Variants in PLEKHA7 observed in about 807,000 individuals in gnomAD.
PLEKHA7 encodes pleckstrin homology domain-containing family A member 7.
PLEKHA7 carries 104 observed loss-of-function variants against 170.0 expected under a neutral mutation model. That is an observed-to-expected ratio of 0.61 (90% confidence interval 0.52 to 0.72). The LOEUF is 0.72. PLEKHA7 is among the 30% of genes least tolerant of loss of function. The pLI is 0.00. For synonymous variants in PLEKHA7, 648 were observed against 660.8 expected (o/e 0.98, Z 0.30); for missense variants, 1,615 against 1,671.7 (o/e 0.97, Z 0.59).
chr11:16,826,519 C>T lies in PLEKHA7; in HGVS notation c.944G>A (p.Arg315Gln), dbSNP rs200680946. The change falls in exon 10 of 27, where the codon CGG becomes CAG. Residue 315 changes from arginine (R) to glutamine (Q), a missense_variant. Coordinates refer to ENST00000531066, the MANE Select transcript of PLEKHA7 (RefSeq NM_001329630.2). ...NHTESCHECG[R>Q]VGPGHTRDCP... ...ATCTCTCGTATGTCCGGGTCCCACC[C>T]GGCCACATTCGTGACAGGACTCTGT... The T allele has an allele frequency of 4.3e-6, 7 of 1,614,220 alleles. No homozygotes were observed. The highest frequency in any genetic ancestry group is 4.5e-5 in the East Asian group (2 of 44,888).
At chr11:16,840,310 C>G (rs545009976) in intron 9 of PLEKHA7, among the ~76,000 whole-genome samples, 1 of 152,244 alleles carries the variant, frequency 6.6e-6, no homozygotes, top group South Asian at 2.1e-4. Context: ...CCTGTAATCC[C>G]GGCACTTTGG....
chr11:16,906,354 T>C (rs1475703903), intron 3 of PLEKHA7, among the ~76,000 whole-genome samples: 1 of 95,962 alleles, frequency 1.0e-5, no homozygotes, highest in East Asian at 2.4e-4. Context: ...CTTTCCACGG[T>C]CTCCCCCTGA....
At chr11:16,933,610 T>A (rs1860089279) in intron 3 of PLEKHA7, among the ~76,000 whole-genome samples, 1 of 152,198 alleles carries the variant, frequency 6.6e-6, no homozygotes, top group South Asian at 2.1e-4. Context: ...CTGGGAGAAG[T>A]ACAAGTCAAA....
At chr11:16,903,177 A>G (rs1021556353) in intron 3 of PLEKHA7, among the ~76,000 whole-genome samples, 4 of 152,358 alleles carry the variant, frequency 2.6e-5, no homozygotes, top group African/African-American at 7.2e-5. Context: ...AAAAGCGAGA[A>G]TAACTTCTCA....
chr11:16,871,861 C>T (rs1282457823), intron 3 of PLEKHA7, among the ~76,000 whole-genome samples: 1 of 152,136 alleles, frequency 6.6e-6, no homozygotes, highest in East Asian at 1.9e-4. Context: ...GGAGGAGGAG[C>T]TGGCTCTAGA....
chr11:16,890,750 C>T (rs1028672805), intron 3 of PLEKHA7, among the ~76,000 whole-genome samples: 1 of 151,434 alleles, frequency 6.6e-6, no homozygotes, highest in South Asian at 2.1e-4. Context: ...ACTAGGTTCC[C>T]GAAAACAAGG....
chr11:16,827,335 A>C lies in PLEKHA7; in HGVS notation c.873-745T>G, dbSNP rs370335883. ...TACAACAATTCTGTGAAGTATTATTAGTCAGATTTTAGCAATAAGGAAACT... is the reference window on the plus strand; with the variant it reads ...TACAACAATTCTGTGAAGTATTATTCGTCAGATTTTAGCAATAAGGAAACT... On this transcript the variant is annotated intron_variant, in intron 9 of 26. Transcript: ENST00000531066. Among the ~76,000 whole-genome samples the C allele has an allele frequency of 1.9e-4, 29 of 152,366 alleles. No individual in the cohort carries two copies. In the South Asian group the frequency reaches 5.6e-3, roughly 29 times the overall value.
intron 3 of PLEKHA7, among the ~76,000 whole-genome samples, chr11:16,988,864 G>C (rs1229032094): frequency 6.6e-6 from 1 of 152,232 alleles, no homozygotes; most frequent in Non-Finnish European, 1.5e-5. Context: ...CAGAGGATGA[G>C]ACTCTTCTAT....
At position 17,014,137 on chromosome 11, in the gene PLEKHA7, T is replaced by C; in HGVS notation, c.151A>G (p.Met51Val). 1 of 1,602,242 alleles carries C rather than the reference T, an allele frequency of 6.2e-7. No homozygotes were observed. Among genetic ancestry groups the C allele is most frequent in the South Asian group, 1.1e-5 (1 of 89,748 alleles). ...RTGEPVNSGH[M>V]IRSDLPRGWE... ...GCCCGGCGCCCACCTGAGCGGATCA[T>C]GTGGCCCGAGTTGACGGGCTCCCCG... The change falls in exon 2 of 27, where the codon ATG becomes GTG. Residue 51 changes from methionine to valine, a missense_variant. Met to Val is a conservative substitution (Grantham distance 21). Transcript: ENST00000531066.
At chr11:16,816,685 C>T (rs1849780655) in intron 11 of PLEKHA7, 115 bp downstream of exon 11, 4 of 1,276,346 alleles carry the variant, frequency 3.1e-6, no homozygotes, top group African/African-American at 3.0e-5. Context: ...AATGTACTGC[C>T]TAAGTATTAG....
At chr11:17,003,123 T>C (rs1049253756) in intron 3 of PLEKHA7, among the ~76,000 whole-genome samples, 46 of 151,976 alleles carry the variant, frequency 3.0e-4, no homozygotes, top group African/African-American at 1.1e-3. Flanking sequence ...CCTGAGTAAC[T>C]GGGATTACAG....
intron 3 of PLEKHA7, among the ~76,000 whole-genome samples, chr11:16,909,022 TA>T (rs1416341622): frequency 6.6e-6 from 1 of 152,198 alleles, no homozygotes; most frequent in Non-Finnish European, 1.5e-5. Context: ...TTCTCCCCCC[TA>T]CTCTGTGACC....
chr11:16,822,075 T>G (rs1349480581), intron 10 of PLEKHA7, among the ~76,000 whole-genome samples: 1 of 152,160 alleles, frequency 6.6e-6, no homozygotes, highest in African/African-American at 2.4e-5. Flanking sequence ...TCTCATCCTT[T>G]AGGTCTCTGG....
intron 3 of PLEKHA7, among the ~76,000 whole-genome samples, chr11:16,944,926 A>G (rs1173829411): frequency 6.6e-6 from 1 of 152,192 alleles, no homozygotes; most frequent in African/African-American, 2.4e-5. Flanking sequence ...TAACCAACTC[A>G]CAGATAAGAA....
intron 9 of PLEKHA7, among the ~76,000 whole-genome samples, chr11:16,832,713 T>C (rs1369865857): frequency 6.6e-6 from 1 of 152,164 alleles, no homozygotes; most frequent in Non-Finnish European, 1.5e-5. Flanking sequence ...AGCCTTTCTG[T>C]TGTAATCCCA....
chr11:16,875,509 C>T (rs1855218724), intron 3 of PLEKHA7, among the ~76,000 whole-genome samples: 4 of 151,688 alleles, frequency 2.6e-5, no homozygotes, highest in Admixed American at 1.3e-4. Flanking sequence ...TGCAGTGGAA[C>T]GATCTCAGCT....
chr11:16,783,043 T>G (rs1217033274), intron 25 of PLEKHA7, 147 bp from the exon 26 acceptor site: 1 of 932,310 alleles, frequency 1.1e-6, no homozygotes, highest in Non-Finnish European at 1.6e-6. Flanking sequence ...CAAAGGTACA[T>G]GCTTTTCCCC....
At chr11:16,928,716 A>C (rs928589789) in intron 3 of PLEKHA7, among the ~76,000 whole-genome samples, 2 of 152,050 alleles carry the variant, frequency 1.3e-5, no homozygotes, top group African/African-American at 2.4e-5. Context: ...TGCCCTCTCA[A>C]AGTGCTGGGA....
chr11:16,858,639 C>T (rs1007043170), intron 4 of PLEKHA7, among the ~76,000 whole-genome samples: 10 of 152,006 alleles, frequency 6.6e-5, no homozygotes, highest in Non-Finnish European at 1.5e-4. Context: ...ATTACAGGCA[C>T]ATGCCACCAC....
Sources: gnomAD v4.1 joint callset for allele counts (sites outside exome capture counted in the v4.1 genomes callset) on GRCh38, gnomAD v4.1.1 for gene constraint, MANE v1.5 for transcripts, NCBI Gene and HGNC (gene_info 2026-07-23, HGNC 2026-07-21) for gene names.